The following ATXN3 variants were observed in gnomAD, a reference collection of about 807,000 sequenced individuals.
The protein encoded by ATXN3 is ataxin 3, also known as ataxin-3.
ATXN3 carries 28 observed loss-of-function variants against 58.2 expected under a neutral mutation model. That is an observed-to-expected ratio of 0.48 (90% CI 0.36 to 0.66). ATXN3 has a LOEUF of 0.66. Ranked by LOEUF, ATXN3 falls within the 30% of genes least tolerant of loss-of-function variation. The probability of loss-of-function intolerance (pLI) is 0.00; values close to 1 mark genes in which losing one functional copy is unlikely to be tolerated. For synonymous variants in ATXN3, 113 were observed against 138.5 expected (o/e 0.82, Z 1.29); for missense variants, 321 against 422.1 (o/e 0.76, Z 2.10).
rs1032176949 is a variant in ATXN3 at position 92,063,827 on chromosome 14, C to T, written c.*493G>A. 1 of 152,516 alleles carries T rather than the reference C, an allele frequency of 6.6e-6. No individual in the cohort carries two copies. The highest frequency in any genetic ancestry group is 1.5e-5 in the Non-Finnish European group (1 of 68,364). 9.4% of individuals were successfully genotyped at this position (152,516 alleles called of 1,614,324 possible). On this transcript the variant is annotated 3_prime_UTR_variant, in exon 11 of 11. Coordinates refer to ENST00000644486, the MANE Select transcript of ATXN3 (RefSeq NM_004993.6). ...GTATACAGTTGAAGGGAGAACTGTT[C>T]ATCCTTCTAGAACCATTACTATTAT...
upstream of ATXN3, among the ~76,000 whole-genome samples, chr14:92,051,718 C>CTT (rs1160650510): frequency 0.015 from 521 of 35,704 alleles, 202 homozygotes; most frequent in Non-Finnish European, 0.018. Flanking sequence ...CTTTTCCTTT[C>CTT]TTTTTTTTTT....
chr14:92,093,370 G>T, intron 4 of ATXN3, 52 bp from the exon 5 acceptor site: 2 of 868,466 alleles, frequency 2.3e-6, no homozygotes, highest in Non-Finnish European at 3.6e-6. Flanking sequence ...TCATATTTAT[G>T]TTGTCTACTG....
chr14:92,075,156 G>GTT (rs376552690), intron 9 of ATXN3, among the ~76,000 whole-genome samples: 1,424 of 111,260 alleles, frequency 0.013, no homozygotes, highest in Non-Finnish European at 0.018. Flanking sequence ...GTAATAGGGA[G>GTT]TTTTTTTTTT....
intron 9 of ATXN3, among the ~76,000 whole-genome samples, chr14:92,074,436 T>C (rs746062546): frequency 2.6e-5 from 4 of 152,204 alleles, no homozygotes; most frequent in South Asian, 4.1e-4. Flanking sequence ...AAAATTCTGC[T>C]TCACTGCTGT....
chr14:92,081,075 A>T lies in ATXN3; in HGVS notation c.776-14T>A. 6.6e-7 allele frequency: 1 copy of T among 1,523,054 alleles called. No homozygotes were observed. The highest frequency in any genetic ancestry group is 9.1e-7 in the Non-Finnish European group (1 of 1,098,712). 94.3% of individuals were successfully genotyped at this position (1,523,054 alleles called of 1,614,324 possible). A position where few individuals can be genotyped will look rare whatever the true frequency, so the allele number is the denominator to read the frequency against. The stretch of plus-strand genomic sequence containing the variant: ...TTCTGGAACTACCTGAAAACAAAAC[A>T]CAACACAACAAAAACCAATCACTGT... On this transcript the variant is annotated splice_polypyrimidine_tract_variant and intron_variant, in intron 8 of 10. Transcript: ENST00000644486.
chr14:92,059,829 AAAAG>A lies in ATXN3; in HGVS notation c.*4487_*4490del, dbSNP rs367993031. ...CTAGACTCCGTCTCAGAAAAAAAAA[AAAAG>A]AAAGAAAGAAAGAAAGAAAAAGAAA... On this transcript the variant is annotated 3_prime_UTR_variant, in exon 11 of 11. Transcript: ENST00000644486. The A allele has an allele frequency of 0.28, 41,248 of 146,696 alleles. 6,129 individuals carry two copies. Among genetic ancestry groups the A allele is most frequent in the African/African-American group, 0.37 (14,633 of 39,226 alleles). 9.1% of individuals were successfully genotyped at this position (146,696 alleles called of 1,614,324 possible).
At chr14:92,054,291 T>G (rs923243390), downstream of ATXN3, among the ~76,000 whole-genome samples, 1 of 152,176 alleles carries the variant, frequency 6.6e-6, no homozygotes, top group African/African-American at 2.4e-5. Context: ...CTGGGCTGCA[T>G]TCCCAGATGG....
intron 1 of ATXN3, among the ~76,000 whole-genome samples, chr14:92,097,713 G>A (rs984942635): frequency 6.6e-6 from 1 of 151,474 alleles, no homozygotes; most frequent in Non-Finnish European, 1.5e-5. Flanking sequence ...TTTTAGTAGC[G>A]ATACGGTTTC....
Position 92,047,308 on chromosome 14 carries a change from C to A in ATXN3, n.276+588G>T, listed in dbSNP as rs77643786. 5.4e-3 allele frequency among the ~76,000 whole-genome samples: 828 copies of A among 152,292 alleles called. 2 individuals carry two copies. Among genetic ancestry groups the A allele is most frequent in the Non-Finnish European group, 8.4e-3 (569 of 68,014 alleles). The stretch of plus-strand genomic sequence containing the variant: ...ACAATTTGGTTGATAAGATCCAGAT[C>A]CTGAGGTAACCTGTAAGACTTGTCC... On this transcript the variant is annotated intron_variant and non_coding_transcript_variant, in intron 2 of 2. Transcript: ENST00000564606.
chr14:92,104,842 G>A (rs55961283), intron 1 of ATXN3, among the ~76,000 whole-genome samples: 3,021 of 151,176 alleles, frequency 0.02, 44 homozygotes, highest in Non-Finnish European at 0.03. Context: ...AGAATCGCTT[G>A]AACGGGGAGG....
At chr14:92,051,682 A>G (rs1427822854), upstream of ATXN3, among the ~76,000 whole-genome samples, 1 of 113,514 alleles carries the variant, frequency 8.8e-6, no homozygotes, top group Non-Finnish European at 1.8e-5. Flanking sequence ...TCTCTAGGGA[A>G]TCTGCTGTTT....
In ATXN3 at chr14:92,082,373, TGCCAGAGCC is replaced by T. The variant is rs755842617; in HGVS notation, c.693_701del (p.Ala232_Ala234del). The stretch of plus-strand genomic sequence containing the variant: ...CCATGTCAATTTCTTGGCGACTTAG[TGCCAGAGCC>T]CTCTGCAAATCCTCCTCATCTTCGT... On this transcript the variant is annotated inframe_deletion, in exon 8 of 11. Coordinates refer to ENST00000644486, the MANE Select transcript of ATXN3 (RefSeq NM_004993.6). 1.3e-4 allele frequency: 207 copies of T among 1,614,046 alleles called. No individual in the cohort carries two copies. Among genetic ancestry groups the T allele is most frequent in the Non-Finnish European group, 1.7e-4 (201 of 1,180,034 alleles).
At chr14:92,053,954 G>A (rs756179648), downstream of ATXN3, among the ~76,000 whole-genome samples, 21 of 150,934 alleles carry the variant, frequency 1.4e-4, no homozygotes, top group Non-Finnish European at 2.8e-4. Flanking sequence ...TTTTTCCCCC[G>A]AGACGGAGTC....
intron 1 of ATXN3, among the ~76,000 whole-genome samples, chr14:92,102,018 T>C (rs113728897): frequency 0.18 from 27,195 of 151,976 alleles, 2,732 homozygotes; most frequent in Admixed American, 0.31. Context: ...CTGGGCATGG[T>C]GGCACATGCC....
At chr14:92,083,060 G>A in intron 7 of ATXN3, 66 bp downstream of exon 7, 2 of 1,523,804 alleles carry the variant, frequency 1.3e-6, no homozygotes, top group East Asian at 2.3e-5. Flanking sequence ...TTCAATCTAA[G>A]CATGAAAATT....
chr14:92,102,434 CAT>C (rs964638982), intron 1 of ATXN3, among the ~76,000 whole-genome samples: 28 of 152,244 alleles, frequency 1.8e-4, no homozygotes, highest in African/African-American at 6.7e-4. Context: ...GCTACCAAAT[CAT>C]TTACCCCCAA....
At chr14:92,102,056 G>A (rs1308610738) in intron 1 of ATXN3, among the ~76,000 whole-genome samples, 1 of 151,942 alleles carries the variant, frequency 6.6e-6, no homozygotes, top group African/African-American at 2.4e-5. Context: ...GGGAGGCTGA[G>A]GCAGGAGAAT....
chr14:92,051,708 C>CTTTTT (rs2057448421), upstream of ATXN3, among the ~76,000 whole-genome samples: 1 of 28,158 alleles, frequency 3.6e-5, no homozygotes, highest in Non-Finnish European at 7.9e-5. Context: ...TTCTTTTCTT[C>CTTTTT]TTTTCCTTTC....
chr14:92,096,505 TC>T (rs1283739313), intron 2 of ATXN3, 168 bp downstream of exon 2: 2 of 779,212 alleles, frequency 2.6e-6, no homozygotes, highest in Non-Finnish European at 4.0e-6. Flanking sequence ...GTGCCTGTAA[TC>T]CCAGCTACTT....
Sources: allele counts gnomAD v4.1 joint callset (sites outside exome capture counted in the v4.1 genomes callset), GRCh38; gene constraint gnomAD v4.1.1; transcripts MANE v1.5; gene names NCBI Gene and HGNC (gene_info 2026-07-23, HGNC 2026-07-21).